HSD17B12: variants seen among roughly 807,000 people sequenced by gnomAD.
HSD17B12 encodes the protein hydroxysteroid 17-beta dehydrogenase 12.
HSD17B12 carries 32 observed loss-of-function variants against 39.3 expected under a neutral mutation model. That is an observed-to-expected ratio of 0.81 (90% confidence interval 0.61 to 1.09). The LOEUF is 1.09. HSD17B12 is among the 50% of genes least tolerant of loss of function. The pLI is 0.00. For missense variants in HSD17B12, 342 were observed against 382.9 expected, an observed-to-expected ratio of 0.89 and a Z score of 0.89; for synonymous variants, 150 against 146.7, an observed-to-expected ratio of 1.02 and a Z score of -0.16.
chr11:43,792,507 A>G (rs1283592589), intron 3 of HSD17B12, among the ~76,000 whole-genome samples: 2 of 152,088 alleles, frequency 1.3e-5, no homozygotes, highest in Non-Finnish European at 2.9e-5. Flanking sequence ...GTACATGACT[A>G]AAATATCCTC....
chr11:43,774,826 A>G (rs1950683992), intron 3 of HSD17B12, among the ~76,000 whole-genome samples: 1 of 152,128 alleles, frequency 6.6e-6, no homozygotes, highest in Admixed American at 6.5e-5. Flanking sequence ...TATACACCCC[A>G]TATGATTCCC....
At chr11:43,683,218 G>A (rs528744391) in intron 1 of HSD17B12, among the ~76,000 whole-genome samples, 1 of 150,864 alleles carries the variant, frequency 6.6e-6, no homozygotes, top group African/African-American at 2.4e-5. Flanking sequence ...AACACCATAA[G>A]TAACATTTGT....
the HSD17B12 span, among the ~76,000 whole-genome samples, chr11:43,617,113 T>C: frequency 6.6e-6 from 1 of 152,202 alleles, no homozygotes; most frequent in African/African-American, 2.4e-5. Flanking sequence ...CGATTTTTCA[T>C]ACTGGGCTCT....
At chr11:43,836,756 A>C (rs956468435) in intron 7 of HSD17B12, among the ~76,000 whole-genome samples, 2 of 152,138 alleles carry the variant, frequency 1.3e-5, no homozygotes, top group African/African-American at 4.8e-5. Flanking sequence ...TATAGATAAA[A>C]TGAAAGGACT....
At position 43,855,349 on chromosome 11, in the gene HSD17B12, T is replaced by C. The variant is rs552336983; in HGVS notation, c.*101T>C. ...TGAAAATCTGACCTTGTCATTTCAA[T>C]AGTTATTAACATGACTAAATATTAT... On this transcript the variant is annotated 3_prime_UTR_variant, in exon 11 of 11. Transcript: ENST00000278353. The C allele has an allele frequency of 1.6e-5, 10 of 624,722 alleles. No homozygotes were observed. In the East Asian group the frequency reaches 2.8e-4, roughly 17 times the overall value. The allele number at this position is 624,722 out of a possible 1,614,324, so 38.7% of individuals were successfully genotyped here.
the HSD17B12 span, among the ~76,000 whole-genome samples, chr11:43,627,174 G>GT: frequency 9.2e-5 from 14 of 151,982 alleles, no homozygotes; most frequent in East Asian, 1.5e-3. Context: ...TAAGAGAAAT[G>GT]TTAAGAATAA....
At chr11:43,776,380 T>C (rs1950703932) in intron 3 of HSD17B12, among the ~76,000 whole-genome samples, 1 of 152,016 alleles carries the variant, frequency 6.6e-6, no homozygotes, top group African/African-American at 2.4e-5. Flanking sequence ...TTTTCATGTG[T>C]GTTTTGGCTG....
Position 43,830,995 on chromosome 11 carries a change from C to T in HSD17B12, c.521C>T (p.Pro174Leu), listed in dbSNP as rs759918455. The stretch of plus-strand genomic sequence containing the variant: ...TTGCAGATGACACAATTGGTACTGC[C>T]TGGCATGGTGGAAAGGTGAGTCACA... ...SVCKMTQLVL[P>L]GMVERSKGAI... Residue 174 changes from proline to leucine, a missense_variant, in exon 7 of 11, where the codon CCT becomes CTT. Physicochemically the swap from Pro to Leu is moderately conservative, Grantham distance 98. Transcript: ENST00000278353. 18 of 1,607,576 alleles carry T rather than the reference C, an allele frequency of 1.1e-5. No homozygotes were observed. The Middle Eastern group carries it at 1.6e-3, about 147-fold the overall frequency.
At chr11:43,716,335 T>C (rs1950122886) in intron 1 of HSD17B12, among the ~76,000 whole-genome samples, 1 of 152,204 alleles carries the variant, frequency 6.6e-6, no homozygotes, top group Non-Finnish European at 1.5e-5. Flanking sequence ...TATGCTTTTC[T>C]GAATGTCCTT....
Position 43,772,235 on chromosome 11 carries a change from A to G in HSD17B12, c.283+18114A>G, listed in dbSNP as rs192299823. On this transcript the variant is annotated intron_variant, in intron 3 of 10. Transcript: ENST00000278353. ...TGTTGATGGAGAGTAAATATGTTGC[A>G]GCTTACTGCATTAATTGGAAAATAA... 1.8e-3 allele frequency among the ~76,000 whole-genome samples: 280 copies of G among 152,344 alleles called. 2 individuals carry two copies. Among genetic ancestry groups the G allele is most frequent in the African/African-American group, 6.4e-3 (267 of 41,586 alleles).
At chr11:43,743,858 G>C (rs1015796098) in intron 1 of HSD17B12, among the ~76,000 whole-genome samples, 15 of 152,054 alleles carry the variant, frequency 9.9e-5, no homozygotes, top group African/African-American at 3.4e-4. Flanking sequence ...GAACTTAGAG[G>C]AACAAAATAT....
At chr11:43,675,992 AC>A (rs1949690919), upstream of HSD17B12, among the ~76,000 whole-genome samples, 1 of 152,138 alleles carries the variant, frequency 6.6e-6, no homozygotes, top group South Asian at 2.1e-4. Context: ...GGCACCTGTA[AC>A]CCCAGCTAAT....
At chr11:43,634,433 G>T in the HSD17B12 span, among the ~76,000 whole-genome samples, 8 of 147,212 alleles carry the variant, frequency 5.4e-5, no homozygotes, top group Non-Finnish European at 1.2e-4. Flanking sequence ...AATGATTAAA[G>T]GAAGAATGCA....
Position 43,739,667 on chromosome 11 carries a change from C to G in HSD17B12, c.161-11244C>G, listed in dbSNP as rs572418168. On this transcript the variant is annotated intron_variant, in intron 1 of 10. Transcript: ENST00000278353. ...TGGCCTAATCACCTCTTAATGTCTC[C>G]ACTTCTTACTACTGTCACATTGGCC... Among the ~76,000 whole-genome samples the G allele has an allele frequency of 1.2e-4, 18 of 148,112 alleles. No individual in the cohort carries two copies. In the East Asian group the frequency reaches 3.7e-3, roughly 30 times the overall value.
At chr11:43,572,099 G>C in the HSD17B12 span, among the ~76,000 whole-genome samples, 1 of 152,198 alleles carries the variant, frequency 6.6e-6, no homozygotes, top group Non-Finnish European at 1.5e-5. Flanking sequence ...GGACCAGGGA[G>C]TTCCTAATTC....
the HSD17B12 span, among the ~76,000 whole-genome samples, chr11:43,643,778 T>G: frequency 6.6e-6 from 1 of 152,242 alleles, no homozygotes; most frequent in Non-Finnish European, 1.5e-5. Flanking sequence ...TCTCTCTTGT[T>G]GCTTCCCAGA....
At chr11:43,842,561 T>C (rs2135133464) in intron 9 of HSD17B12, among the ~76,000 whole-genome samples, 1 of 152,358 alleles carries the variant, frequency 6.6e-6, no homozygotes, top group Middle Eastern at 3.4e-3. Context: ...GTCATTTTAA[T>C]GTTAGTAATG....
chr11:43,771,071 C>T (rs553718639), intron 3 of HSD17B12, among the ~76,000 whole-genome samples: 4 of 152,276 alleles, frequency 2.6e-5, no homozygotes, highest in Admixed American at 1.3e-4. Context: ...GAGAATCACA[C>T]GCTCCCTACT....
intron 3 of HSD17B12, among the ~76,000 whole-genome samples, chr11:43,765,494 T>C (rs1950587714): frequency 6.6e-6 from 1 of 152,100 alleles, no homozygotes; most frequent in Middle Eastern, 3.4e-3. Context: ...TTTTAATTAT[T>C]ATTTTGCCTC....
Sources: gnomAD v4.1 joint callset for allele counts (sites outside exome capture counted in the v4.1 genomes callset) on GRCh38, gnomAD v4.1.1 for gene constraint, MANE v1.5 for transcripts, NCBI Gene and HGNC (gene_info 2026-07-23, HGNC 2026-07-21) for gene names.